Variants in LDAH observed in about 807,000 individuals in gnomAD.
The protein encoded by LDAH is lipid droplet-associated hydrolase.
Under a neutral mutation model 29.6 loss-of-function variants are expected in LDAH, and 26 were observed. The ratio of observed to expected loss-of-function variants is 0.88; its 90% CI spans 0.64 to 1.22. LDAH has a LOEUF of 1.22. Among genes scored for constraint, LDAH ranks in the 50% most tolerant of loss-of-function variants. The pLI is 0.00. For synonymous variants in LDAH, 117 were observed against 133.0 expected (o/e 0.88, Z 0.83); for missense variants, 344 against 387.3 (o/e 0.89, Z 0.94).
At chr2:20,690,674 A>G (rs1052483917) in intron 6 of LDAH, among the ~76,000 whole-genome samples, 26 of 151,856 alleles carry the variant, frequency 1.7e-4, no homozygotes, top group African/African-American at 5.3e-4. Context: ...GAAAGTATGG[A>G]GTGTGTGGTG....
At chr2:20,808,507 CA>C (rs1558499187) in intron 1 of LDAH, among the ~76,000 whole-genome samples, 8 of 151,596 alleles carry the variant, frequency 5.3e-5, no homozygotes. Flanking sequence ...ACTAAGAATA[CA>C]AAAAAATTAG....
chr2:20,682,708 C>T (rs919839420), downstream of LDAH, among the ~76,000 whole-genome samples: 6 of 152,184 alleles, frequency 3.9e-5, no homozygotes, highest in Non-Finnish European at 8.8e-5. Flanking sequence ...CCTCATGACT[C>T]AGACACTTCC....
chr2:20,759,066 A>C (rs1289189607), intron 4 of LDAH, among the ~76,000 whole-genome samples: 2 of 152,180 alleles, frequency 1.3e-5, no homozygotes, highest in Non-Finnish European at 2.9e-5. Flanking sequence ...CATCTTCCTA[A>C]GGGTAGTAGA....
At chr2:20,716,091 G>C (rs1253831688) in intron 5 of LDAH, among the ~76,000 whole-genome samples, 1 of 152,182 alleles carries the variant, frequency 6.6e-6, no homozygotes, top group Non-Finnish European at 1.5e-5. Flanking sequence ...ATGCTGGAGA[G>C]GATATGGAGA....
chr2:20,734,217 G>C (rs1220752586), intron 5 of LDAH, among the ~76,000 whole-genome samples: 3 of 152,038 alleles, frequency 2.0e-5, no homozygotes, highest in African/African-American at 7.2e-5. Flanking sequence ...ACTAAGACTT[G>C]AGGACAGCAT....
chr2:20,801,733 T>C (rs1671684329), intron 1 of LDAH, among the ~76,000 whole-genome samples: 1 of 152,114 alleles, frequency 6.6e-6, no homozygotes, highest in African/African-American at 2.4e-5. Context: ...AAACCGTAAC[T>C]TCCACAAATT....
chr2:20,751,470 G>A (rs1667967337), intron 4 of LDAH, among the ~76,000 whole-genome samples: 1 of 152,154 alleles, frequency 6.6e-6, no homozygotes, highest in Non-Finnish European at 1.5e-5. Context: ...AAGCCAATGA[G>A]GAGACTATGA....
chr2:20,738,613 T>A (rs1025808262), intron 5 of LDAH, among the ~76,000 whole-genome samples: 1 of 152,024 alleles, frequency 6.6e-6, no homozygotes, highest in Non-Finnish European at 1.5e-5. Context: ...GACCAAATGG[T>A]CTTTAAGGGA....
In LDAH at chr2:20,804,639, C is replaced by T. The variant is rs566414025; in HGVS notation, c.-2-3174G>A. Among the ~76,000 whole-genome samples the T allele has an allele frequency of 2.0e-4, 30 of 152,262 alleles. No individual in the cohort carries two copies. In the South Asian group the frequency reaches 6.2e-3, roughly 32 times the overall value. On this transcript the variant is annotated intron_variant, in intron 1 of 6. Coordinates refer to ENST00000237822, the MANE Select transcript of LDAH (RefSeq NM_021925.4). Reference sequence around the variant, plus strand: ...TTCTAACATTTCTAAAATTTCACTTCTCTAGCCTGATGTTATATTGCCTCT... The same window carrying T: ...TTCTAACATTTCTAAAATTTCACTTTTCTAGCCTGATGTTATATTGCCTCT...
In LDAH at chr2:20,686,838, C is replaced by T; in HGVS notation, c.*65G>A. 1.5e-6 allele frequency: 2 copies of T among 1,350,920 alleles called. No homozygotes were observed. The highest frequency in any genetic ancestry group is 1.0e-6 in the Non-Finnish European group (1 of 986,336). 83.7% of individuals were successfully genotyped at this position (1,350,920 alleles called of 1,614,324 possible). A position where few individuals can be genotyped will look rare whatever the true frequency, so the allele number is the denominator to read the frequency against. On this transcript the variant is annotated 3_prime_UTR_variant, in exon 7 of 7. Transcript: ENST00000237822. ...TCAGTCTTCAAAATTAAACATTTAC[C>T]TACTAAGTCTAGTACACTGACTGCC...
intron 6 of LDAH, among the ~76,000 whole-genome samples, chr2:20,697,502 G>T (rs973358377): frequency 6.6e-6 from 1 of 152,134 alleles, no homozygotes; most frequent in African/African-American, 2.4e-5. Flanking sequence ...CCCCTGAACT[G>T]GCTGTTCATA....
At chr2:20,725,171 A>C (rs1665926165) in intron 5 of LDAH, among the ~76,000 whole-genome samples, 1 of 152,204 alleles carries the variant, frequency 6.6e-6, no homozygotes, top group Non-Finnish European at 1.5e-5. Context: ...AGTACTCATG[A>C]AAAGGTTTGA....
chr2:20,795,039 G>A (rs1671218535), intron 2 of LDAH, among the ~76,000 whole-genome samples: 1 of 152,130 alleles, frequency 6.6e-6, no homozygotes, highest in Admixed American at 6.6e-5. Context: ...CACACGGAGG[G>A]GTATGGGAGA....
At chr2:20,689,820 C>T (rs2149327657) in intron 6 of LDAH, among the ~76,000 whole-genome samples, 1 of 152,294 alleles carries the variant, frequency 6.6e-6, no homozygotes, top group East Asian at 1.9e-4. Flanking sequence ...TCCTCTGCTG[C>T]AGGGCATGCT....
chr2:20,774,644 A>G (rs1035694497), intron 4 of LDAH, among the ~76,000 whole-genome samples, 166 bp downstream of exon 4: 1 of 152,254 alleles, frequency 6.6e-6, no homozygotes, highest in African/African-American at 2.4e-5. Flanking sequence ...ATACATTCAC[A>G]TAAGCCCATC....
At chr2:20,766,320 C>T (rs1167025633) in intron 4 of LDAH, among the ~76,000 whole-genome samples, 2 of 152,208 alleles carry the variant, frequency 1.3e-5, no homozygotes, top group African/African-American at 4.8e-5. Flanking sequence ...TGATGGCTGA[C>T]TTGGTCATAT....
At chr2:20,795,245 A>C (rs532086142) in intron 2 of LDAH, among the ~76,000 whole-genome samples, 69 of 152,198 alleles carry the variant, frequency 4.5e-4, no homozygotes, top group Non-Finnish European at 7.2e-4. Flanking sequence ...AATAATCTCC[A>C]ACTATACAAT....
At chr2:20,789,473 A>C in intron 3 of LDAH, 1 of 1,346,912 alleles carries the variant, frequency 7.4e-7, no homozygotes, top group South Asian at 1.6e-5. Flanking sequence ...GTATTTTGCT[A>C]TAGCAGCCCA....
intron 1 of LDAH, among the ~76,000 whole-genome samples, chr2:20,815,398 T>A (rs1672780597): frequency 1.3e-5 from 2 of 151,876 alleles, no homozygotes; most frequent in Admixed American, 6.6e-5. Context: ...AACTTCACAA[T>A]TTGACAAAAG....
Sources: allele counts gnomAD v4.1 joint callset (sites outside exome capture counted in the v4.1 genomes callset), GRCh38; gene constraint gnomAD v4.1.1; transcripts MANE v1.5; gene names NCBI Gene and HGNC (gene_info 2026-07-23, HGNC 2026-07-21).